Variants in NARF observed in about 807,000 individuals in gnomAD.
The protein encoded by NARF is nuclear prelamin A recognition factor.
Under a neutral mutation model 48.0 loss-of-function variants are expected in NARF, and 41 were observed. The ratio of observed to expected loss-of-function variants is 0.85; its 90% CI spans 0.66 to 1.11. The LOEUF is 1.11. NARF is among the 50% of genes least tolerant of loss of function. The pLI, the probability that NARF is intolerant of heterozygous loss-of-function variation, is 0.00. For missense variants in NARF, 613 were observed against 590.2 expected, an observed-to-expected ratio of 1.04 and a Z score of -0.40; for synonymous variants, 215 against 225.5, an observed-to-expected ratio of 0.95 and a Z score of 0.42.
chr17:82,481,700 A>T, intron 7 of NARF: 1 of 408,604 alleles, frequency 2.4e-6, no homozygotes, highest in Admixed American at 3.2e-5. Context: ...ATTACCCTCC[A>T]GCCTGGGCAA....
rs2044144503 is a variant in NARF at position 82,488,298 on chromosome 17, CTACCCCG to C, written c.*143_*149del. 7.5e-7 allele frequency: 1 copy of C among 1,336,538 alleles called. No homozygotes were observed. Among genetic ancestry groups the C allele is most frequent in the Middle Eastern group, 2.7e-4 (1 of 3,692 alleles). 82.8% of individuals were successfully genotyped at this position (1,336,538 alleles called of 1,614,324 possible). A position where few individuals can be genotyped will look rare whatever the true frequency, so the allele number is the denominator to read the frequency against. The stretch of plus-strand genomic sequence containing the variant: ...TACTTTGGTTTCTCCGAGTTCCCTG[CTACCCCG>C]TTTATTGGAGGCCCCTCAGGCAGTT... On this transcript the variant is annotated 3_prime_UTR_variant, in exon 11 of 11. Transcript: ENST00000309794.
intron 4 of NARF, among the ~76,000 whole-genome samples, chr17:82,471,291 T>G (rs1236381508): frequency 4.7e-5 from 7 of 150,252 alleles, no homozygotes; most frequent in Non-Finnish European, 1.0e-4. Flanking sequence ...CTGTCTCTAC[T>G]AAAAATTCAA....
intron 2 of NARF, chr17:82,460,920 T>TTTTTTTTTTTTTTTTTTTTTG: frequency 6.6e-6 from 1 of 152,250 alleles, no homozygotes; most frequent in African/African-American, 2.4e-5. Context: ...TTTTAATTTT[T>TTTTTTTTTTTTTTTTTTTTTG]TTTTTCCCCT....
intron 2 of NARF, chr17:82,463,440 AG>A: frequency 6.6e-6 from 1 of 152,316 alleles, no homozygotes; most frequent in Non-Finnish European, 1.5e-5. Flanking sequence ...GAGACGGGTG[AG>A]GGGGTGGTGC....
At chr17:82,480,544 G>A (rs749531745) in intron 6 of NARF, 1 of 405,024 alleles carries the variant, frequency 2.5e-6, no homozygotes, top group Non-Finnish European at 4.4e-6. Context: ...GCTGGTGCTC[G>A]GTAGAGTTGA....
intron 7 of NARF, 111 bp from the exon 8 acceptor site, chr17:82,483,605 T>G: frequency 1.1e-6 from 1 of 937,512 alleles, no homozygotes; most frequent in Non-Finnish European, 1.7e-6. Flanking sequence ...GTGATGGAGA[T>G]TTCATAAGAG....
At chr17:82,486,811 A>T (rs1338208730) in intron 10 of NARF, among the ~76,000 whole-genome samples, 1 of 152,182 alleles carries the variant, frequency 6.6e-6, no homozygotes, top group Non-Finnish European at 1.5e-5. Flanking sequence ...TTAACCAGGG[A>T]AATTTGCTCC....
Position 82,488,218 on chromosome 17 carries a change from G to A in NARF, c.*61G>A, listed in dbSNP as rs2044142325. ...AGAGCCAAGAGCCTCTCAGTAGAGG[G>A]AGGGGCTGCCCTGAGTGGAGTATTA... On this transcript the variant is annotated 3_prime_UTR_variant, in exon 11 of 11. Transcript: ENST00000309794. 2 of 1,584,456 alleles carry A rather than the reference G, an allele frequency of 1.3e-6. No homozygotes were observed. Among genetic ancestry groups the A allele is most frequent in the African/African-American group, 1.3e-5 (1 of 74,406 alleles).
rs1207203195 is a variant in NARF at position 82,489,649 on chromosome 17, G to GCTCAGGGTGATGGAGCCCC, written c.*1496_*1514dup. 6.6e-6 allele frequency: 1 copy of GCTCAGGGTGATGGAGCCCC among 152,276 alleles called. No homozygotes were observed. The highest frequency in any genetic ancestry group is 1.9e-4 in the East Asian group (1 of 5,192). 9.4% of individuals were successfully genotyped at this position (152,276 alleles called of 1,614,324 possible). ...ATCCACTCGCCATGAAGCCCTCTGT[G>GCTCAGGGTGATGGAGCCCC]CTCAGGGTGATGGAGCCCCCTCCAT... On this transcript the variant is annotated 3_prime_UTR_variant, in exon 11 of 11. Transcript: ENST00000309794.
intron 8 of NARF, 97 bp from the exon 9 acceptor site, chr17:82,484,716 A>G (rs1052895702): frequency 1.4e-6 from 2 of 1,436,900 alleles, no homozygotes; most frequent in African/African-American, 1.4e-5. Context: ...TTTGGTGGCG[A>G]ACTTGGATTG....
rs1047066663 is a variant in NARF, at chr17:82,488,122, G to C, written c.1336G>C (p.Glu446Gln). ...GCTGCATACCACGTACCAGAGCCAG[G>C]AGCGTGGCACACACAGCCTGGACAT... ...EVLHTTYQSQ[E>Q]RGTHSLDIKW Residue 446 changes from glutamate to glutamine, a missense_variant, in exon 11 of 11, where the codon GAG (glutamate) becomes CAG (glutamine). Transcript: ENST00000309794. The C allele has an allele frequency of 3.1e-6, 5 of 1,613,950 alleles. No homozygotes were observed. Among genetic ancestry groups the C allele is most frequent in the Non-Finnish European group, 4.2e-6 (5 of 1,180,044 alleles).
At chr17:82,484,984 G>A (rs1425199948) in intron 9 of NARF, 34 bp downstream of exon 9, 1 of 1,569,068 alleles carries the variant, frequency 6.4e-7, no homozygotes, top group Non-Finnish European at 8.6e-7. Context: ...GTCTGTGCCT[G>A]TGGTTAGCAC....
intron 5 of NARF, among the ~76,000 whole-genome samples, chr17:82,473,683 C>T (rs902972408): frequency 6.6e-6 from 1 of 151,772 alleles, no homozygotes; most frequent in Non-Finnish European, 1.5e-5. Context: ...TCAGCCTCCC[C>T]AGTAGCTGGG....
At chr17:82,460,117 G>C in intron 2 of NARF, 45 bp downstream of exon 2, 1 of 1,531,188 alleles carries the variant, frequency 6.5e-7, no homozygotes, top group Non-Finnish European at 9.0e-7. Flanking sequence ...GTAAACTACT[G>C]CTGCTGTTTT....
At chr17:82,484,671 T>C in intron 8 of NARF, 142 bp from the exon 9 acceptor site, 1 of 1,044,716 alleles carries the variant, frequency 9.6e-7, no homozygotes, top group Non-Finnish European at 1.3e-6. Flanking sequence ...TGGGACTTTC[T>C]GCAAAGTTTA....
chr17:82,472,096 C>T (rs1279319432), intron 4 of NARF, among the ~76,000 whole-genome samples: 1 of 152,072 alleles, frequency 6.6e-6, no homozygotes, highest in Non-Finnish European at 1.5e-5. Context: ...TAGATAAGAA[C>T]CAAGACTGAT....
rs1438503971 is a variant in NARF at position 82,486,901 on chromosome 17, G to A, written c.1130-1015G>A. Among the ~76,000 whole-genome samples the A allele has an allele frequency of 2.6e-5, 4 of 152,310 alleles. No individual in the cohort carries two copies. In the South Asian group the frequency reaches 6.2e-4, roughly 24 times the overall value. ...GGAGAGTAAGTAGCATTAATAGATA[G>A]GAGACACATTTTTACTCAGGCCAGT... On this transcript the variant is annotated intron_variant, in intron 10 of 10. Coordinates refer to ENST00000309794, the MANE Select transcript of NARF (RefSeq NM_012336.4).
chr17:82,488,007 C>T lies in NARF; in HGVS notation c.1221C>T (p.Ile407=). 6.2e-7 allele frequency: 1 copy of T among 1,614,204 alleles called. No homozygotes were observed. The highest frequency in any genetic ancestry group is 1.3e-5 in the African/African-American group (1 of 75,054). The change falls in exon 11 of 11, where the codon ATC becomes ATT. Residue 407 remains isoleucine (I), a synonymous_variant. Coordinates refer to ENST00000309794, the MANE Select transcript of NARF (RefSeq NM_012336.4). ...LRQMEGIYAD[I]PVRRPESSAH... ...AGATGGAAGGCATTTACGCTGACAT[C>T]CCTGTGCGGCGTCCGGAGTCCAGTG...
At chr17:82,475,602 T>C (rs2043815091) in intron 5 of NARF, among the ~76,000 whole-genome samples, 2 of 152,070 alleles carry the variant, frequency 1.3e-5, no homozygotes, top group South Asian at 4.2e-4. Flanking sequence ...CAATCATACA[T>C]ATATACTACA....
Sources: gnomAD v4.1 joint callset for allele counts (sites outside exome capture counted in the v4.1 genomes callset) on GRCh38, gnomAD v4.1.1 for gene constraint, MANE v1.5 for transcripts, NCBI Gene and HGNC (gene_info 2026-07-23, HGNC 2026-07-21) for gene names.